The following OTUD7A variants were observed in gnomAD, a reference collection of about 807,000 sequenced individuals.
OTUD7A encodes OTU domain-containing protein 7A.
In OTUD7A, 12 loss-of-function variants were observed where a neutral mutation model predicts 65.7. The observed-to-expected ratio is 0.18, with a 90% CI of 0.12 to 0.30. The LOEUF (loss-of-function observed/expected upper bound fraction) is 0.30. OTUD7A is among the 10% of genes least tolerant of loss of function. The pLI, the probability that OTUD7A is intolerant of heterozygous loss-of-function variation, is 1.00. For synonymous variants in OTUD7A, 641 were observed against 586.3 expected (o/e 1.09, Z -1.35); for missense variants, 1,148 against 1,304.8 (o/e 0.88, Z 1.85).
chr15:31,580,602 G>A lies in OTUD7A; in HGVS notation c.152-10405C>T, dbSNP rs529745975. On this transcript the variant is annotated intron_variant, in intron 3 of 12. Coordinates refer to ENST00000307050, the MANE Select transcript of OTUD7A (RefSeq NM_001382637.1). Reference sequence around the variant, plus strand: ...TTTAATTGACTCACAGTTACACATGGCTGGGGAGGCCTGACAATCATGGTG... The same window carrying A: ...TTTAATTGACTCACAGTTACACATGACTGGGGAGGCCTGACAATCATGGTG... 3.9e-5 allele frequency among the ~76,000 whole-genome samples: 6 copies of A among 152,296 alleles called. No homozygotes were observed. In the East Asian group the frequency reaches 1.2e-3, roughly 29 times the overall value.
chr15:31,742,606 A>G (rs1257728462), intron 1 of OTUD7A, among the ~76,000 whole-genome samples: 1 of 152,128 alleles, frequency 6.6e-6, no homozygotes, highest in Non-Finnish European at 1.5e-5. Context: ...AAACATATAC[A>G]TAATTGAATT....
intron 3 of OTUD7A, among the ~76,000 whole-genome samples, chr15:31,619,987 A>C (rs1282599160): frequency 6.6e-6 from 1 of 152,156 alleles, no homozygotes. Context: ...GGGTTGTTGA[A>C]TTTTGTCAAA....
intron 1 of OTUD7A, among the ~76,000 whole-genome samples, chr15:31,716,264 T>TACA (rs1893580713): frequency 2.2e-5 from 1 of 45,628 alleles, no homozygotes; most frequent in Non-Finnish European, 5.6e-5. Context: ...TATATATTTA[T>TACA]ATACATTATA....
chr15:31,693,674 A>G (rs1293181191), intron 1 of OTUD7A, among the ~76,000 whole-genome samples: 1 of 152,176 alleles, frequency 6.6e-6, no homozygotes. Context: ...AGGTGAGAGC[A>G]GAGACCCAGG....
At chr15:31,627,489 G>A (rs1032154663) in intron 3 of OTUD7A, among the ~76,000 whole-genome samples, 2 of 151,854 alleles carry the variant, frequency 1.3e-5, no homozygotes, top group African/African-American at 4.8e-5. Flanking sequence ...CCAGTCTATG[G>A]TTGTTGGACA....
chr15:31,802,827 T>C (rs895109270), intron 1 of OTUD7A, among the ~76,000 whole-genome samples: 4 of 152,184 alleles, frequency 2.6e-5, no homozygotes, highest in Non-Finnish European at 4.4e-5. Flanking sequence ...GATATAAAAA[T>C]ACTACAAGGA....
At chr15:31,646,052 C>T (rs1217209929) in intron 3 of OTUD7A, among the ~76,000 whole-genome samples, 1 of 152,196 alleles carries the variant, frequency 6.6e-6, no homozygotes, top group African/African-American at 2.4e-5. Flanking sequence ...TTTCAGTTCG[C>T]ACAGCCAATT....
rs555717288 is a variant in OTUD7A at position 31,565,253 on chromosome 15, T to TA, written c.331+4764dup. ...GGAGAGTCTACCTAATTCAATAAAA[T>TA]AAAAAACTGAATTAATTGTATAAAT... is the stretch of plus-strand genomic sequence containing the variant. On this transcript the variant is annotated intron_variant, in intron 4 of 12. Coordinates refer to ENST00000307050, the MANE Select transcript of OTUD7A (RefSeq NM_001382637.1). Among the ~76,000 whole-genome samples the TA allele has an allele frequency of 2.9e-3, 443 of 152,240 alleles. 5 individuals carry two copies. The highest frequency in any genetic ancestry group is 0.01 in the African/African-American group (421 of 41,564).
intron 10 of OTUD7A, among the ~76,000 whole-genome samples, chr15:31,496,215 T>A (rs2041381876): frequency 6.6e-6 from 1 of 150,804 alleles, no homozygotes; most frequent in Admixed American, 6.7e-5. Context: ...TGATTGGTAT[T>A]TGATAAATGA....
At chr15:31,714,296 G>A (rs1595722166) in intron 1 of OTUD7A, among the ~76,000 whole-genome samples, 1 of 152,194 alleles carries the variant, frequency 6.6e-6, no homozygotes, top group Non-Finnish European at 1.5e-5. Flanking sequence ...TACATGAATA[G>A]CGTAGTATGA....
At chr15:31,691,466 T>TGGCAAGA (rs1366193645) in intron 1 of OTUD7A, among the ~76,000 whole-genome samples, 4 of 152,224 alleles carry the variant, frequency 2.6e-5, no homozygotes, top group African/African-American at 9.6e-5. Context: ...TCAACAAAGG[T>TGGCAAGA]GGCAAGAACA....
intron 1 of OTUD7A, among the ~76,000 whole-genome samples, chr15:31,746,297 A>G (rs998280090): frequency 1.3e-5 from 2 of 152,226 alleles, no homozygotes; most frequent in African/African-American, 4.8e-5. Context: ...CCAAATGTCC[A>G]TCAAGAAGAG....
intron 1 of OTUD7A, among the ~76,000 whole-genome samples, chr15:31,818,627 T>C (rs1567039583): frequency 6.6e-6 from 1 of 152,146 alleles, no homozygotes; most frequent in Non-Finnish European, 1.5e-5. Flanking sequence ...CACTCCTATC[T>C]CCATCAGCCA....
At chr15:31,772,334 G>C (rs1387216892) in intron 1 of OTUD7A, among the ~76,000 whole-genome samples, 1 of 151,802 alleles carries the variant, frequency 6.6e-6, no homozygotes, top group African/African-American at 2.4e-5. Context: ...GACTAAAACT[G>C]CAGGAGGGCA....
intron 1 of OTUD7A, among the ~76,000 whole-genome samples, chr15:31,784,353 A>C (rs1450367293): frequency 6.6e-6 from 1 of 152,208 alleles, no homozygotes; most frequent in East Asian, 1.9e-4. Flanking sequence ...ACTACAACTA[A>C]AACAACACAC....
intron 1 of OTUD7A, among the ~76,000 whole-genome samples, chr15:31,688,437 A>T (rs185441816): frequency 6.6e-6 from 1 of 152,192 alleles, no homozygotes; most frequent in East Asian, 1.9e-4. Context: ...AGACGTCAAC[A>T]TCACGAAAGA....
In OTUD7A at chr15:31,483,107, G is replaced by A; in HGVS notation, c.*187C>T. On this transcript the variant is annotated 3_prime_UTR_variant, in exon 13 of 13. Coordinates refer to ENST00000307050, the MANE Select transcript of OTUD7A (RefSeq NM_001382637.1). ...CAACAGTATGACTTGTTTCCTATCCGTCTACTACCTGAGTGGCGTCAGTGT... is the reference window on the plus strand; with the variant it reads ...CAACAGTATGACTTGTTTCCTATCCATCTACTACCTGAGTGGCGTCAGTGT... 2.4e-6 allele frequency: 1 copy of A among 413,036 alleles called. No homozygotes were observed. The highest frequency in any genetic ancestry group is 3.3e-6 in the Non-Finnish European group (1 of 300,668). The allele number at this position is 413,036 out of a possible 1,614,324, so 25.6% of individuals were successfully genotyped here. A position where few individuals can be genotyped will look rare whatever the true frequency, so the allele number is the denominator to read the frequency against.
At chr15:31,765,796 T>C in intron 1 of OTUD7A, 1 of 1,374,284 alleles carries the variant, frequency 7.3e-7, no homozygotes, top group Non-Finnish European at 1.0e-6. Flanking sequence ...ATTGGTTGCT[T>C]GATTGTAGGT....
At chr15:31,737,320 C>T (rs1275759552) in intron 1 of OTUD7A, among the ~76,000 whole-genome samples, 5 of 151,976 alleles carry the variant, frequency 3.3e-5, no homozygotes, top group Non-Finnish European at 5.9e-5. Flanking sequence ...GACAGACAAC[C>T]CCACAAAAAC....
Sources: allele counts gnomAD v4.1 joint callset (sites outside exome capture counted in the v4.1 genomes callset), GRCh38; gene constraint gnomAD v4.1.1; transcripts MANE v1.5; gene names NCBI Gene and HGNC (gene_info 2026-07-23, HGNC 2026-07-21).